The following ATP8A2 variants were observed in gnomAD, a reference collection of about 807,000 sequenced individuals.
ATP8A2 encodes ATPase phospholipid transporting 8A2.
ATP8A2 carries 100 observed loss-of-function variants against 165.6 expected under a neutral mutation model. The observed-to-expected ratio is 0.60, with a 90% CI of 0.51 to 0.71. The LOEUF (loss-of-function observed/expected upper bound fraction) is 0.71. Among genes scored for constraint, ATP8A2 ranks in the 30% least tolerant of loss-of-function variants. ATP8A2 has a pLI of 0.00. For missense variants in ATP8A2, 1,227 were observed against 1,479.5 expected (o/e 0.83, Z 2.80); for synonymous variants, 543 against 548.8 (o/e 0.99, Z 0.15).
At chr13:25,956,582 CAAG>C (rs1459190772) in intron 33 of ATP8A2, among the ~76,000 whole-genome samples, 12 of 152,118 alleles carry the variant, frequency 7.9e-5, no homozygotes, top group Non-Finnish European at 1.3e-4. Flanking sequence ...AGGACCTCTT[CAAG>C]AAGAACTACA....
At chr13:25,808,627 G>C (rs2138499704) in intron 27 of ATP8A2, among the ~76,000 whole-genome samples, 1 of 150,772 alleles carries the variant, frequency 6.6e-6, no homozygotes, top group East Asian at 2.0e-4. Context: ...TTTTTTTGTA[G>C]AGTTGTCTCA....
At chr13:25,373,989 G>A (rs1226560114) in intron 1 of ATP8A2, among the ~76,000 whole-genome samples, 3 of 152,106 alleles carry the variant, frequency 2.0e-5, no homozygotes, top group East Asian at 1.9e-4. Flanking sequence ...TGAACAAGGG[G>A]CCCACCTTTT....
intron 4 of ATP8A2, among the ~76,000 whole-genome samples, chr13:25,531,375 T>A (rs1269572963): frequency 2.6e-4 from 22 of 83,130 alleles, no homozygotes; most frequent in East Asian, 1.7e-3. Context: ...TATATATATG[T>A]TATATATATG....
intron 24 of ATP8A2, among the ~76,000 whole-genome samples, chr13:25,611,853 G>A (rs1374208833): frequency 6.6e-6 from 1 of 151,922 alleles, no homozygotes; most frequent in Non-Finnish European, 1.5e-5. Context: ...TTTATTCCTG[G>A]TTTAATCTAG....
intron 1 of ATP8A2, among the ~76,000 whole-genome samples, chr13:25,416,887 A>G (rs1448323382): frequency 6.6e-6 from 1 of 152,228 alleles, no homozygotes; most frequent in Non-Finnish European, 1.5e-5. Flanking sequence ...ACTGAGGCAT[A>G]TACAAAGTAA....
At chr13:25,381,675 T>C (rs1328923802) in intron 1 of ATP8A2, among the ~76,000 whole-genome samples, 2 of 152,220 alleles carry the variant, frequency 1.3e-5, no homozygotes, top group African/African-American at 4.8e-5. Context: ...ATTTCACTCA[T>C]AATTTGTGAG....
At chr13:25,401,963 C>T (rs1470647724) in intron 1 of ATP8A2, among the ~76,000 whole-genome samples, 14 of 151,960 alleles carry the variant, frequency 9.2e-5, no homozygotes, top group Admixed American at 2.6e-4. Flanking sequence ...CCCAAACGAT[C>T]CTCCCTCCTC....
At chr13:25,525,767 T>G (rs2037822982) in intron 2 of ATP8A2, among the ~76,000 whole-genome samples, 1 of 152,160 alleles carries the variant, frequency 6.6e-6, no homozygotes, top group African/African-American at 2.4e-5. Flanking sequence ...AATGTGATTA[T>G]TACATGCCTT....
chr13:25,697,715 G>T (rs1176132854), intron 24 of ATP8A2, among the ~76,000 whole-genome samples: 1 of 152,178 alleles, frequency 6.6e-6, no homozygotes, highest in Non-Finnish European at 1.5e-5. Flanking sequence ...AAAGTGCTAT[G>T]AAGTTTTTAG....
At chr13:25,511,903 T>TG (rs1390211731) in intron 2 of ATP8A2, among the ~76,000 whole-genome samples, 6 of 151,924 alleles carry the variant, frequency 3.9e-5, no homozygotes, top group African/African-American at 1.5e-4. Context: ...TTTTTTTTTT[T>TG]TATTGATCAT....
rs150766055 is a variant in ATP8A2 at position 25,703,254 on chromosome 13, A to G, written c.2384+3909A>G. Among the ~76,000 whole-genome samples, 635 of 151,950 alleles carry G rather than the reference A, an allele frequency of 4.2e-3. 4 individuals carry two copies. The highest frequency in any genetic ancestry group is 0.014 in the African/African-American group (582 of 41,440). ...ACCACTATGCCCAACTAATTTTTGT[A>G]TTTTTAGTAGAGACAGGATTTCACC... On this transcript the variant is annotated intron_variant, in intron 25 of 36. Coordinates refer to ENST00000381655, the MANE Select transcript of ATP8A2 (RefSeq NM_016529.6).
At chr13:25,912,089 A>T (rs1437514419) in intron 33 of ATP8A2, among the ~76,000 whole-genome samples, 1 of 152,104 alleles carries the variant, frequency 6.6e-6, no homozygotes, top group African/African-American at 2.4e-5. Context: ...AACACTATTC[A>T]CAATAGCAGA....
intron 1 of ATP8A2, among the ~76,000 whole-genome samples, chr13:25,401,392 G>A (rs1490023813): frequency 6.6e-6 from 1 of 152,126 alleles, no homozygotes; most frequent in African/African-American, 2.4e-5. Flanking sequence ...GATATCAATC[G>A]AGTTATAAAT....
rs1593609746 is a variant in ATP8A2 at position 25,949,247 on chromosome 13, C to T, written c.3184-12328C>T. 2.0e-5 allele frequency among the ~76,000 whole-genome samples: 3 copies of T among 152,370 alleles called. No homozygotes were observed. In the South Asian group the frequency reaches 6.2e-4, roughly 32 times the overall value. Reference sequence around the variant, plus strand: ...CAGCTTTAGTCTCTGCATCCCTGCACCTTCCACCTGCAGATGCCAGCGGGC... The same window carrying T: ...CAGCTTTAGTCTCTGCATCCCTGCATCTTCCACCTGCAGATGCCAGCGGGC... On this transcript the variant is annotated intron_variant, in intron 33 of 36. Transcript: ENST00000381655.
chr13:25,810,953 G>A (rs948113172), intron 27 of ATP8A2, among the ~76,000 whole-genome samples: 2 of 151,684 alleles, frequency 1.3e-5, no homozygotes. Context: ...TTTATATTTC[G>A]TTTCATTTTG....
At chr13:25,795,354 T>G (rs1367841989) in intron 27 of ATP8A2, among the ~76,000 whole-genome samples, 1 of 152,226 alleles carries the variant, frequency 6.6e-6, no homozygotes, top group Non-Finnish European at 1.5e-5. Flanking sequence ...TAGTAAATAA[T>G]AAATCATAAT....
intron 2 of ATP8A2, among the ~76,000 whole-genome samples, chr13:25,500,965 GC>G (rs1476910946): frequency 2.0e-5 from 3 of 151,890 alleles, no homozygotes; most frequent in East Asian, 3.8e-4. Flanking sequence ...TTATTTGTAC[GC>G]CTTATGTATT....
intron 33 of ATP8A2, among the ~76,000 whole-genome samples, chr13:25,911,164 G>A (rs911705616): frequency 3.9e-5 from 6 of 152,072 alleles, no homozygotes; most frequent in African/African-American, 1.4e-4. Flanking sequence ...CTGCTGACAG[G>A]GATTGGCAAA....
chr13:25,375,792 C>T lies in ATP8A2; in HGVS notation c.76+3504C>T, dbSNP rs149541643. ...TTCACCATGTTGGCCAGGATTGTCT[C>T]GATCTCTTAACCTCGTGATCCACCC... is the stretch of plus-strand genomic sequence containing the variant. On this transcript the variant is annotated intron_variant, in intron 1 of 36. Coordinates refer to ENST00000381655, the MANE Select transcript of ATP8A2 (RefSeq NM_016529.6). Among the ~76,000 whole-genome samples, 710 of 152,078 alleles carry T rather than the reference C, an allele frequency of 4.7e-3. 3 individuals are homozygous for T. The highest frequency in any genetic ancestry group is 7.6e-3 in the Non-Finnish European group (516 of 67,976).
Sources: gnomAD v4.1 joint callset for allele counts (sites outside exome capture counted in the v4.1 genomes callset) on GRCh38, gnomAD v4.1.1 for gene constraint, MANE v1.5 for transcripts, NCBI Gene and HGNC (gene_info 2026-07-23, HGNC 2026-07-21) for gene names.